DIP2C: variants seen among roughly 807,000 people sequenced by gnomAD.
DIP2C encodes DIP2 acetate--CoA ligase C (putative), also known as disco-interacting protein 2 homolog C.
Under a neutral mutation model 192.4 loss-of-function variants are expected in DIP2C, and 33 were observed. That is an observed-to-expected ratio of 0.17 (90% CI 0.13 to 0.23). DIP2C has a LOEUF of 0.23. Among genes scored for constraint, DIP2C ranks in the 10% least tolerant of loss-of-function variants. DIP2C has a pLI of 1.00. For synonymous variants in DIP2C, 979 were observed against 864.1 expected (o/e 1.13, Z -2.33); for missense variants, 1,537 against 2,110.1 (o/e 0.73, Z 5.32).
At chr10:291,650 C>T (rs929406240) in intron 32 of DIP2C, among the ~76,000 whole-genome samples, 1 of 152,170 alleles carries the variant, frequency 6.6e-6, no homozygotes, top group African/African-American at 2.4e-5. Flanking sequence ...ACAGAGTGGG[C>T]TGAGTTAAGA....
At chr10:369,374 G>T in intron 18 of DIP2C, 120 bp downstream of exon 18, 1 of 1,265,542 alleles carries the variant, frequency 7.9e-7, no homozygotes, top group Non-Finnish European at 1.1e-6. Context: ...TGGGAGTGAG[G>T]CTCTCAGCCT....
chr10:376,357 A>AGGCCCACCTCGGCCCCCGACG (rs1961589791), intron 17 of DIP2C, among the ~76,000 whole-genome samples: 1 of 150,830 alleles, frequency 6.6e-6, no homozygotes, highest in African/African-American at 2.5e-5. Context: ...GAGCCGGCAC[A>AGGCCCACCTCGGCCCCCGACG]GAGCAAGAAT....
chr10:290,912 G>C (rs1955459650), intron 32 of DIP2C, among the ~76,000 whole-genome samples: 1 of 152,246 alleles, frequency 6.6e-6, no homozygotes, highest in Non-Finnish European at 1.5e-5. Flanking sequence ...TGGCAGCTCT[G>C]GGAGCTGTCG....
chr10:502,502 C>T (rs1042867326), intron 1 of DIP2C, among the ~76,000 whole-genome samples: 1 of 151,946 alleles, frequency 6.6e-6, no homozygotes, highest in African/African-American at 2.4e-5. Context: ...AAACTCAAAG[C>T]CAGAAAAAGA....
intron 1 of DIP2C, among the ~76,000 whole-genome samples, chr10:601,543 C>T (rs926040311): frequency 6.6e-6 from 1 of 152,180 alleles, no homozygotes. Flanking sequence ...CTCCAGGGCA[C>T]GAGAGAATTC....
chr10:506,763 A>G (rs1413959769), intron 1 of DIP2C, among the ~76,000 whole-genome samples: 1 of 152,230 alleles, frequency 6.6e-6, no homozygotes, highest in Non-Finnish European at 1.5e-5. Context: ...GGAGGGGCTT[A>G]GCGAGCCACG....
chr10:605,667 C>G (rs1588578596), intron 1 of DIP2C, among the ~76,000 whole-genome samples: 3 of 152,226 alleles, frequency 2.0e-5, no homozygotes, highest in Admixed American at 2.0e-4. Context: ...ATTGCCACCT[C>G]TGTCTTAGAT....
rs1028688244 is a variant in DIP2C at position 561,714 on chromosome 10, G to A, written c.86-75184C>T. ...CTTCAATCCAGCAACACAACTCCTG[G>A]TCCCGTCTAGAGCTTGTCTGCCAGG... On this transcript the variant is annotated intron_variant, in intron 1 of 36. Transcript: ENST00000280886. 1.1e-3 allele frequency among the ~76,000 whole-genome samples: 167 copies of A among 152,282 alleles called. 1 individual carries two copies. Among genetic ancestry groups the A allele is most frequent in the African/African-American group, 4.0e-3 (165 of 41,556 alleles).
chr10:563,876 G>C (rs1849334995), intron 1 of DIP2C, among the ~76,000 whole-genome samples: 1 of 152,216 alleles, frequency 6.6e-6, no homozygotes, highest in Non-Finnish European at 1.5e-5. Context: ...ATGAGTGTGA[G>C]TCATTTTCCT....
chr10:443,422 C>T lies in DIP2C; in HGVS notation c.269-2426G>A, dbSNP rs141304191. Among the ~76,000 whole-genome samples the T allele has an allele frequency of 5.3e-5, 8 of 152,126 alleles. No individual in the cohort carries two copies. The South Asian group carries it at 6.2e-4, about 12-fold the overall frequency. ...GCTCAATTGGTTCCAGATTTGACAC[C>T]GGATTCCCCAGCCCTTGGACCAGGG... On this transcript the variant is annotated intron_variant, in intron 3 of 36. Transcript: ENST00000280886.
At position 651,010 on chromosome 10, in the gene DIP2C, G is replaced by C. The variant is rs1047862213; in HGVS notation, c.85+38484C>G. 2.8e-6 allele frequency: 2 copies of C among 717,388 alleles called. No individual in the cohort carries two copies. The highest frequency in any genetic ancestry group is 2.0e-5 in the Admixed American group (1 of 50,018). The allele number at this position is 717,388 out of a possible 1,614,324, so 44.4% of individuals were successfully genotyped here. The stretch of plus-strand genomic sequence containing the variant: ...CCATCTCTCCCGGTGCCAGGGCTCA[G>C]GCCCCAGCCCCCGTTTCTGCAGAAG... On this transcript the variant is annotated intron_variant, in intron 1 of 36. Coordinates refer to ENST00000280886, the MANE Select transcript of DIP2C (RefSeq NM_014974.3). This position sits in a 1 kb window ranked among gnomAD's most constrained non-coding sequence, Gnocchi z 4.1.
chr10:531,588 C>T (rs1320119914), intron 1 of DIP2C, among the ~76,000 whole-genome samples: 2 of 152,180 alleles, frequency 1.3e-5, no homozygotes, highest in African/African-American at 2.4e-5. Flanking sequence ...GCCCTAAAGC[C>T]AACTCTGGAG....
In DIP2C at chr10:674,625, C is replaced by T. The variant is rs981789459; in HGVS notation, c.85+14869G>A. ...TGTCTACTAAATAGAAAAAATTAACCGAGCATGGTGGCACATGCCTGCAAT... is the reference window on the plus strand; with the variant it reads ...TGTCTACTAAATAGAAAAAATTAACTGAGCATGGTGGCACATGCCTGCAAT... On this transcript the variant is annotated intron_variant, in intron 1 of 36. Transcript: ENST00000280886. Among the ~76,000 whole-genome samples the T allele has an allele frequency of 6.6e-5, 10 of 151,796 alleles. No individual in the cohort carries two copies. In the South Asian group the frequency reaches 1.9e-3, roughly 28 times the overall value.
intron 2 of DIP2C, chr10:485,021 A>G: frequency 3.4e-6 from 5 of 1,487,204 alleles, no homozygotes; most frequent in Non-Finnish European, 4.5e-6. Flanking sequence ...CGCTGAGCAG[A>G]GCTGCCGACC....
chr10:601,799 G>A (rs898864193), intron 1 of DIP2C, among the ~76,000 whole-genome samples: 28 of 152,336 alleles, frequency 1.8e-4, no homozygotes, highest in African/African-American at 5.5e-4. Context: ...GGCTGGGGAC[G>A]CAGGCGATGG....
chr10:462,504 A>ATTCCTGCCT (rs1969875148), intron 3 of DIP2C, among the ~76,000 whole-genome samples: 2 of 152,244 alleles, frequency 1.3e-5, no homozygotes, highest in African/African-American at 4.8e-5. Flanking sequence ...TAGACCAATA[A>ATTCCTGCCT]CAAGTTCTGA....
chr10:572,045 C>T (rs1849849576), intron 1 of DIP2C, among the ~76,000 whole-genome samples: 2 of 152,324 alleles, frequency 1.3e-5, no homozygotes, highest in Non-Finnish European at 2.9e-5. Context: ...CTGCCCGAGG[C>T]TCTAGGGGTG....
chr10:350,136 T>A (rs899839316), intron 24 of DIP2C, among the ~76,000 whole-genome samples: 1 of 152,068 alleles, frequency 6.6e-6, no homozygotes, highest in African/African-American at 2.4e-5. Flanking sequence ...CAGGCTGGAG[T>A]GCAGTGGCAT....
chr10:428,295 G>A (rs1429054604), intron 4 of DIP2C, among the ~76,000 whole-genome samples: 1 of 152,086 alleles, frequency 6.6e-6, no homozygotes, highest in African/African-American at 2.4e-5. Context: ...GATAGCATTT[G>A]CAATCAGCCT....
Sources: gnomAD v4.1 joint callset for allele counts (sites outside exome capture counted in the v4.1 genomes callset) on GRCh38, gnomAD v4.1.1 for gene constraint, Gnocchi (gnomAD v3.1) non-coding constraint, MANE v1.5 for transcripts, NCBI Gene and HGNC (gene_info 2026-07-23, HGNC 2026-07-21) for gene names.